The following TSHZ2 variants were observed in gnomAD, a reference collection of about 807,000 sequenced individuals.
TSHZ2 encodes teashirt homolog 2.
In TSHZ2, 21 loss-of-function variants were observed where a neutral mutation model predicts 74.4. The observed-to-expected ratio is 0.28, with a 90% confidence interval of 0.20 to 0.41. The LOEUF (loss-of-function observed/expected upper bound fraction) is 0.41. Ranked by LOEUF, TSHZ2 falls within the 10% of genes least tolerant of loss-of-function variation. The pLI is 1.00. For synonymous variants in TSHZ2, 540 were observed against 515.3 expected (o/e 1.05, Z -0.65); for missense variants, 1,244 against 1,293.5 (o/e 0.96, Z 0.59).
At chr20:53,035,757 A>T (rs1051784056) in intron 1 of TSHZ2, among the ~76,000 whole-genome samples, 1 of 152,190 alleles carries the variant, frequency 6.6e-6, no homozygotes, top group Non-Finnish European at 1.5e-5. Flanking sequence ...AAGAAAGCAG[A>T]GTTCATTGGT....
At chr20:53,340,724 G>A (rs576501035) in intron 2 of TSHZ2, among the ~76,000 whole-genome samples, 59 of 152,240 alleles carry the variant, frequency 3.9e-4, no homozygotes, top group South Asian at 1.4e-3. Context: ...GGGCTAGTTC[G>A]TCCTTCTGAA....
intron 1 of TSHZ2, among the ~76,000 whole-genome samples, chr20:53,251,925 CCATCAGGCAGACTTGGGTGTCTGTCCT>C (rs1336658544): frequency 3.9e-5 from 6 of 152,184 alleles, no homozygotes; most frequent in Non-Finnish European, 8.8e-5. Context: ...GGGCATTCTC[CCATCAGGCAGACTTGGGTGTCTGTCCT>C]CACTCTGCAA....
intron 2 of TSHZ2, among the ~76,000 whole-genome samples, chr20:53,391,115 CTTTTGTTTTGTTTTGTTTTG>C (rs151236380): frequency 1.4e-5 from 2 of 147,546 alleles, no homozygotes; most frequent in Non-Finnish European, 3.0e-5. Flanking sequence ...ATATACTACA[CTTTTGTTTTGTTTTGTTTTG>C]TTTTGTTTTG....
chr20:53,013,036 T>A (rs1269287141), intron 1 of TSHZ2, among the ~76,000 whole-genome samples: 5 of 152,230 alleles, frequency 3.3e-5, no homozygotes. Flanking sequence ...GTTTAACACA[T>A]TTTACTTGAT....
chr20:53,126,082 AG>A (rs1364655854), intron 1 of TSHZ2, among the ~76,000 whole-genome samples: 1 of 152,266 alleles, frequency 6.6e-6, no homozygotes, highest in Non-Finnish European at 1.5e-5. Flanking sequence ...TGATGTCCAT[AG>A]GCCCCCAGGC....
chr20:53,096,960 C>A (rs992351724), intron 1 of TSHZ2, among the ~76,000 whole-genome samples: 6 of 151,204 alleles, frequency 4.0e-5, no homozygotes, highest in South Asian at 2.1e-4. Flanking sequence ...AAAAAAACAA[C>A]AAAAAACAAG....
intron 2 of TSHZ2, among the ~76,000 whole-genome samples, chr20:53,463,391 G>T (rs1228611269): frequency 1.2e-5 from 1 of 84,886 alleles, no homozygotes; most frequent in Middle Eastern, 5.4e-3. Context: ...AGGAAGGAAG[G>T]AAGGAAGGAA....
rs116587878 is a variant in TSHZ2 at position 53,163,587 on chromosome 20, A to G, written c.41-89912A>G. 4.4e-3 allele frequency among the ~76,000 whole-genome samples: 668 copies of G among 151,960 alleles called. 4 individuals carry two copies. Among genetic ancestry groups the G allele is most frequent in the African/African-American group, 0.015 (629 of 41,420 alleles). The stretch of plus-strand genomic sequence containing the variant: ...CATCTAGCATTAGGTATATCTCCCA[A>G]TGCTGTCTCTTGAATCACTCACGCT... On this transcript the variant is annotated intron_variant, in intron 1 of 2. Transcript: ENST00000371497.
At chr20:53,252,439 T>G (rs899219818) in intron 1 of TSHZ2, among the ~76,000 whole-genome samples, 4 of 152,228 alleles carry the variant, frequency 2.6e-5, no homozygotes, top group Admixed American at 1.3e-4. Context: ...GGGACTTCTT[T>G]GGTTGCATGT....
intron 2 of TSHZ2, among the ~76,000 whole-genome samples, chr20:53,456,213 C>G (rs1177668945): frequency 6.7e-6 from 1 of 150,014 alleles, no homozygotes; most frequent in African/African-American, 2.4e-5. Context: ...CACATCCTCT[C>G]CAGCACCTGT....
At chr20:53,401,819 G>A (rs1421204578) in intron 2 of TSHZ2, among the ~76,000 whole-genome samples, 2 of 110,182 alleles carry the variant, frequency 1.8e-5, no homozygotes, top group Non-Finnish European at 3.3e-5. Context: ...GTCTTGCTCT[G>A]TTGCCGAGGC....
chr20:53,022,653 C>T (rs1983287266), intron 1 of TSHZ2, among the ~76,000 whole-genome samples: 1 of 152,104 alleles, frequency 6.6e-6, no homozygotes, highest in South Asian at 2.1e-4. Context: ...CCATAGTTGC[C>T]CATAAAAATG....
At chr20:53,284,710 G>C (rs372912931) in intron 2 of TSHZ2, among the ~76,000 whole-genome samples, 1 of 144,208 alleles carries the variant, frequency 6.9e-6, no homozygotes, top group African/African-American at 2.6e-5. Flanking sequence ...CCCCCTACAC[G>C]CCCGTCCCCC....
At chr20:53,133,724 T>C (rs1303252432) in intron 1 of TSHZ2, among the ~76,000 whole-genome samples, 3 of 152,086 alleles carry the variant, frequency 2.0e-5, no homozygotes, top group Non-Finnish European at 2.9e-5. Flanking sequence ...CCAAATATAG[T>C]ATTGGGAGCA....
Position 53,256,043 on chromosome 20 carries a change from C to G in TSHZ2, c.2585C>G (p.Ser862Trp), listed in dbSNP as rs781658976. The stretch of plus-strand genomic sequence containing the variant: ...CTGATTCTACAAGCCCAGTTTGCCT[C>G]GAGCCTCTTCCAGACATCAGAGGGC... ...HLLILQAQFA[S>W]SLFQTSEGKY... Residue 862 changes from serine (S) to tryptophan (W), a missense_variant, in exon 2 of 3, where the codon TCG (serine) becomes TGG (tryptophan). By Grantham distance (177) the Ser-to-Trp change is radical (BLOSUM62 -3). Transcript: ENST00000371497. The surrounding 1 kb of genome is among the most constrained non-coding windows in gnomAD (Gnocchi z 4.3). The G allele has an allele frequency of 1.9e-6, 3 of 1,613,248 alleles. No individual in the cohort carries two copies. Among genetic ancestry groups the G allele is most frequent in the Non-Finnish European group, 2.5e-6 (3 of 1,179,494 alleles).
At chr20:53,187,561 C>T (rs751682125) in intron 1 of TSHZ2, among the ~76,000 whole-genome samples, 19 of 152,028 alleles carry the variant, frequency 1.2e-4, no homozygotes, top group Non-Finnish European at 2.8e-4. Flanking sequence ...AGATGTGGTC[C>T]GTGGCTAGCC....
intron 1 of TSHZ2, among the ~76,000 whole-genome samples, chr20:53,174,873 G>A (rs1988289842): frequency 1.3e-5 from 2 of 152,152 alleles, no homozygotes; most frequent in African/African-American, 4.8e-5. Context: ...GCAGCGTGAA[G>A]GAGGAAATGG....
At chr20:53,021,887 T>C (rs1983259569) in intron 1 of TSHZ2, among the ~76,000 whole-genome samples, 1 of 152,218 alleles carries the variant, frequency 6.6e-6, no homozygotes, top group Non-Finnish European at 1.5e-5. Flanking sequence ...AGAAACAAAG[T>C]ATCACTGAGG....
chr20:53,288,136 C>T (rs911223798), intron 2 of TSHZ2, among the ~76,000 whole-genome samples: 3 of 152,202 alleles, frequency 2.0e-5, no homozygotes, highest in Admixed American at 6.5e-5. Flanking sequence ...TGCAGTGGCT[C>T]ACACCTGTAA....
Sources: gnomAD v4.1 joint callset for allele counts (sites outside exome capture counted in the v4.1 genomes callset) on GRCh38, gnomAD v4.1.1 for gene constraint, Gnocchi (gnomAD v3.1) non-coding constraint, MANE v1.5 for transcripts, NCBI Gene and HGNC (gene_info 2026-07-23, HGNC 2026-07-21) for gene names.